ERAS: variants seen among roughly 807,000 people sequenced by gnomAD.
The protein encoded by ERAS is ES cell expressed Ras, also known as GTPase ERas.
For synonymous variants in ERAS, 87 were observed against 89.1 expected (o/e 0.98, Z 0.13); for missense variants, 137 against 199.2 (o/e 0.69, Z 1.88).
intron 1 of ERAS, 62 bp from the exon 2 acceptor site, chrX:48,829,019 C>T (rs2063165761): frequency 1.6e-6 from 1 of 625,213 alleles, no homozygotes. Context: ...TGTCTCCTTG[C>T]CCTCAAATGG....
chrX:48,829,458 T>G lies in ERAS; in HGVS notation c.335T>G (p.Val112Gly). Residue 112 changes from valine to glycine, a missense_variant, in exon 2 of 2, where the codon GTC becomes GGC. By Grantham distance (109) the Val-to-Gly change is moderately radical. Coordinates refer to ENST00000636362, the MANE Select transcript of ERAS (RefSeq NM_181532.3). ...GCCCTGCGTGACCAGTGCCTGGCTG[T>G]CTGTGATGGTGTGCTGGGCGTCTTC... ...HRALRDQCLA[V>G]CDGVLGVFAL... is the part of the protein sequence containing the mutation. The G allele has an allele frequency of 8.3e-7, 1 of 1,211,039 alleles. No homozygotes were observed. Among genetic ancestry groups the G allele is most frequent in the Non-Finnish European group, 1.1e-6 (1 of 894,995 alleles).
At chrX:48,828,836 C>T (rs944552331) in intron 1 of ERAS, 7 of 256,698 alleles carry the variant, frequency 2.7e-5, no homozygotes, top group Admixed American at 1.3e-4. Flanking sequence ...CTCAATAAAG[C>T]TGTTTGGGAA....
chrX:48,829,562 G>A lies in ERAS; in HGVS notation c.439G>A (p.Val147Ile). ...TWGPHPAQPL[V>I]LVGNKCDLVT... Reference sequence around the variant, plus strand: ...GGGCCCTCACCCCGCCCAGCCCCTTGTCCTCGTGGGCAACAAGTGTGACCT... The same window carrying A: ...GGGCCCTCACCCCGCCCAGCCCCTTATCCTCGTGGGCAACAAGTGTGACCT... Residue 147 changes from valine (V) to isoleucine (I), a missense_variant, in exon 2 of 2, where the codon GTC becomes ATC. Transcript: ENST00000636362. The A allele has an allele frequency of 3.3e-6, 4 of 1,211,063 alleles. No homozygotes were observed. The highest frequency in any genetic ancestry group is 2.3e-4 in the Middle Eastern group (1 of 4,341).
rs1427853620 is a variant in ERAS, at chrX:48,829,204, G to A, written c.81G>A (p.Arg27=). Residue 27 remains arginine, a synonymous_variant, in exon 2 of 2, where the codon CGG becomes CGA. Coordinates refer to ENST00000636362, the MANE Select transcript of ERAS (RefSeq NM_181532.3). ...WSPSFQGETH[R]AQARRRDVGR... is the part of the protein sequence containing the mutation. ...CTTCCTTCCAGGGGGAAACCCACCG[G>A]GCTCAGGCACGCCGCAGGGATGTTG... The A allele has an allele frequency of 8.5e-7, 1 of 1,174,415 alleles. No homozygotes were observed.
At chrX:48,826,782 C>A (rs2147400904) in intron 1 of ERAS, among the ~76,000 whole-genome samples, 1 of 112,130 alleles carries the variant, frequency 8.9e-6, no homozygotes, top group African/African-American at 3.2e-5. Context: ...GAAGTGGAGT[C>A]CTGGTTTCGG....
Position 48,829,227 on chromosome X carries a change from T to C in ERAS, c.104T>C (p.Val35Ala), listed in dbSNP as rs1557032979. 8.4e-7 allele frequency: 1 copy of C among 1,196,387 alleles called. No homozygotes were observed. The highest frequency in any genetic ancestry group is 1.9e-5 in the South Asian group (1 of 53,695). ...THRAQARRRD[V>A]GRQLPEYKAV... is the part of the protein sequence containing the mutation. ...CGGGCTCAGGCACGCCGCAGGGATGTTGGCAGGCAGCTGCCTGAGTACAAG... is the reference window on the plus strand; with the variant it reads ...CGGGCTCAGGCACGCCGCAGGGATGCTGGCAGGCAGCTGCCTGAGTACAAG... The change falls in exon 2 of 2, where the codon GTT becomes GCT. Residue 35 changes from valine (V) to alanine (A), a missense_variant. Transcript: ENST00000636362.
chrX:48,827,345 C>T (rs1422436116), intron 1 of ERAS, among the ~76,000 whole-genome samples: 1 of 111,014 alleles, frequency 9.0e-6, no homozygotes, highest in African/African-American at 3.3e-5. Flanking sequence ...CAGAAGCCGA[C>T]CTCTCCCTCC....
chrX:48,826,725 G>A (rs930770574), intron 1 of ERAS, among the ~76,000 whole-genome samples, 176 bp downstream of exon 1: 1 of 112,099 alleles, frequency 8.9e-6, no homozygotes, highest in Non-Finnish European at 1.9e-5. Flanking sequence ...CCGGAGTCGG[G>A]ATGGGTCTTG....
Position 48,829,325 on chromosome X carries a change from G to A in ERAS, c.202G>A (p.Glu68Lys). 2 of 1,212,313 alleles carry A rather than the reference G, an allele frequency of 1.6e-6. No homozygotes were observed. The highest frequency in any genetic ancestry group is 2.2e-6 in the Non-Finnish European group (2 of 895,578). Residue 68 changes from glutamate (E) to lysine (K), a missense_variant, in exon 2 of 2, where the codon GAG (glutamate) becomes AAG (lysine). By Grantham distance (56) the Glu-to-Lys change is moderately conservative (BLOSUM62 1). Transcript: ENST00000636362. ...CCAGCTGAACCACCAGTGCTTCGTGGAGGACCACGACCCCACCATCCAGGA... is the reference window on the plus strand; with the variant it reads ...CCAGCTGAACCACCAGTGCTTCGTGAAGGACCACGACCCCACCATCCAGGA... ...TIQLNHQCFV[E>K]DHDPTIQDSY...
intron 1 of ERAS, among the ~76,000 whole-genome samples, chrX:48,828,021 CTTT>C (rs150963546): frequency 1.1e-5 from 1 of 89,874 alleles, no homozygotes; most frequent in Non-Finnish European, 2.2e-5. Context: ...ATATAGTTCA[CTTT>C]TTTTTTTTTT....
In ERAS at chrX:48,829,795, C is replaced by T. The variant is rs1557033115; in HGVS notation, c.672C>T (p.Ala224=). 1 of 1,166,558 alleles carries T rather than the reference C, an allele frequency of 8.6e-7. No homozygotes were observed. Among genetic ancestry groups the T allele is most frequent in the East Asian group, 3.1e-5 (1 of 32,140 alleles). Residue 224 remains alanine, a synonymous_variant, in exon 2 of 2, where the codon GCC becomes GCT. Coordinates refer to ENST00000636362, the MANE Select transcript of ERAS (RefSeq NM_181532.3). ...SCREKTRHQK[A]TCHCGCSVA is the part of the protein sequence containing the mutation. Reference sequence around the variant, plus strand: ...GGGAGAAGACCCGGCACCAGAAGGCCACCTGCCACTGTGGCTGCTCTGTGG... The same window carrying T: ...GGGAGAAGACCCGGCACCAGAAGGCTACCTGCCACTGTGGCTGCTCTGTGG...
chrX:48,826,516 G>A lies in ERAS; in HGVS notation c.-77G>A, dbSNP rs1265524313. ...GTCGCCCCCCGCCAGGCCTGTCAGA[G>A]CGTCCCAGCGCGCCCGCCTCCCCAC... On this transcript the variant is annotated 5_prime_UTR_variant, in exon 1 of 2. Transcript: ENST00000636362. 1.8e-5 allele frequency: 2 copies of A among 112,121 alleles called. No homozygotes were observed. The highest frequency in any genetic ancestry group is 1.9e-4 in the Admixed American group (2 of 10,799). 9.2% of individuals were successfully genotyped at this position (112,121 alleles called of 1,213,427 possible). A position where few individuals can be genotyped will look rare whatever the true frequency, so the allele number is the denominator to read the frequency against.
At position 48,829,740 on chromosome X, in the gene ERAS, T is replaced by C; in HGVS notation, c.617T>C (p.Met206Thr). The C allele has an allele frequency of 8.3e-7, 1 of 1,203,183 alleles. No individual in the cohort carries two copies. The highest frequency in any genetic ancestry group is 1.1e-6 in the Non-Finnish European group (1 of 891,046). ...GAGATCCAGAGGGTCCAGGAGGCCA[T>C]GGCGAAGGAGCCCATGGCAAGGTCC... The part of the protein sequence containing the change: ...VHEIQRVQEA[M>T]AKEPMARSCR... The change falls in exon 2 of 2, where the codon ATG becomes ACG. Residue 206 changes from methionine (M) to threonine (T), a missense_variant. Physicochemically the swap from Met to Thr is moderately conservative, Grantham distance 81 (BLOSUM62 -1). Coordinates refer to ENST00000636362, the MANE Select transcript of ERAS (RefSeq NM_181532.3).
At position 48,829,536 on chromosome X, in the gene ERAS, G is replaced by A; in HGVS notation, c.413G>A (p.Trp138Ter). 7.4e-6 allele frequency: 9 copies of A among 1,212,218 alleles called. No homozygotes were observed. The highest frequency in any genetic ancestry group is 1.0e-5 in the Non-Finnish European group (9 of 895,533). The change falls in exon 2 of 2, where the codon TGG becomes TAG. Residue 138 changes from tryptophan to a stop codon, truncating the protein, a stop_gained. Coordinates refer to ENST00000636362, the MANE Select transcript of ERAS (RefSeq NM_181532.3). LOFTEE classifies it low-confidence loss of function (END_TRUNC). The stretch of plus-strand genomic sequence containing the variant: ...CAGCTGCAGCAGATATGGGCCACCT[G>A]GGGCCCTCACCCCGCCCAGCCCCTT... ...LIQLQQIWAT[W>*]GPHPAQPLVL...
At chrX:48,826,821 C>T (rs1403211755) in intron 1 of ERAS, among the ~76,000 whole-genome samples, 1 of 112,314 alleles carries the variant, frequency 8.9e-6, no homozygotes, top group Non-Finnish European at 1.9e-5. Flanking sequence ...AGCTTTGCAC[C>T]TCACCCGGCC....
rs781861918 is a variant in ERAS at position 48,829,261 on chromosome X, G to C, written c.138G>C (p.Val46=). 4 of 1,208,708 alleles carry C rather than the reference G, an allele frequency of 3.3e-6. No homozygotes were observed. The Admixed American group carries it at 6.5e-5, about 20-fold the overall frequency. ...AGCTGCCTGAGTACAAGGCTGTGGT[G>C]GTGGGCGCCAGTGGCGTGGGCAAGA... is the stretch of plus-strand genomic sequence containing the variant. The part of the protein sequence containing the change: ...GRQLPEYKAV[V]VGASGVGKSA... The change falls in exon 2 of 2, where the codon GTG becomes GTC. Residue 46 remains valine, a synonymous_variant. Coordinates refer to ENST00000636362, the MANE Select transcript of ERAS (RefSeq NM_181532.3).
Position 48,829,322 on chromosome X carries a change from G to A in ERAS, c.199G>A (p.Val67Met), listed in dbSNP as rs1304773305. 2 of 1,211,343 alleles carry A rather than the reference G, an allele frequency of 1.7e-6. No homozygotes were observed. Among genetic ancestry groups the A allele is most frequent in the African/African-American group, 1.7e-5 (1 of 57,693 alleles). Residue 67 changes from valine to methionine, a missense_variant, in exon 2 of 2, where the codon GTG becomes ATG. By Grantham distance (21) the Val-to-Met change is conservative (BLOSUM62 1). Coordinates refer to ENST00000636362, the MANE Select transcript of ERAS (RefSeq NM_181532.3). The stretch of plus-strand genomic sequence containing the variant: ...CATCCAGCTGAACCACCAGTGCTTC[G>A]TGGAGGACCACGACCCCACCATCCA... The part of the protein sequence containing the change: ...LTIQLNHQCF[V>M]EDHDPTIQDS...
Position 48,828,893 on chromosome X carries a change from TG to T in ERAS, c.-43-182del, listed in dbSNP as rs202013189. ...ATTCGCGTGAGGAGGGAAGGAGAGA[TG>T]GGGGGACGTGGGACAGGGAGAAAAC... On this transcript the variant is annotated intron_variant, in intron 1 of 1. Coordinates refer to ENST00000636362, the MANE Select transcript of ERAS (RefSeq NM_181532.3). 2,304 of 290,236 alleles carry T rather than the reference TG, an allele frequency of 7.9e-3. 40 individuals are homozygous for T. The highest frequency in any genetic ancestry group is 0.051 in the African/African-American group (1,826 of 35,960). 23.9% of individuals were successfully genotyped at this position (290,236 alleles called of 1,213,427 possible). A position where few individuals can be genotyped will look rare whatever the true frequency, so the allele number is the denominator to read the frequency against.
chrX:48,828,226 G>A (rs935944755), intron 1 of ERAS, among the ~76,000 whole-genome samples: 2 of 110,047 alleles, frequency 1.8e-5, no homozygotes, highest in African/African-American at 6.6e-5. Flanking sequence ...ACAGGGTTTC[G>A]CAATGTTGGG....
Sources: gnomAD v4.1 joint callset for allele counts (sites outside exome capture counted in the v4.1 genomes callset) on GRCh38, gnomAD v4.1.1 for gene constraint, MANE v1.5 for transcripts, NCBI Gene and HGNC (gene_info 2026-07-23, HGNC 2026-07-21) for gene names.